The following SELENBP1 variants were observed in gnomAD, a reference collection of about 807,000 sequenced individuals.
The protein encoded by SELENBP1 is methanethiol oxidase.
A neutral mutation model predicts 61.0 loss-of-function variants in SELENBP1; 71 were observed. The observed-to-expected ratio is 1.16, with a 90% CI of 0.96 to 1.42. The LOEUF is 1.42. SELENBP1 is among the 40% of genes most tolerant of loss of function. SELENBP1 has a pLI of 0.00. For missense variants in SELENBP1, 561 were observed against 605.0 expected, an observed-to-expected ratio of 0.93 and a Z score of 0.76; for synonymous variants, 270 against 238.9, an observed-to-expected ratio of 1.13 and a Z score of -1.20.
chr1:151,371,867 C>A (rs950629777), intron 1 of SELENBP1, among the ~76,000 whole-genome samples: 1 of 151,604 alleles, frequency 6.6e-6, no homozygotes, highest in Non-Finnish European at 1.5e-5. Context: ...CTGGGGAATA[C>A]CCCCATCTGA....
At chr1:151,366,555 T>C (rs1229634226) in intron 6 of SELENBP1, 102 bp from the exon 7 acceptor site, 1 of 1,451,834 alleles carries the variant, frequency 6.9e-7, no homozygotes, top group Non-Finnish European at 9.5e-7. Context: ...AGAAATGGAT[T>C]GGAGGGATCA....
intron 5 of SELENBP1, 108 bp from the exon 6 acceptor site, chr1:151,367,012 C>A (rs549059800): frequency 2.0e-6 from 3 of 1,505,458 alleles, no homozygotes; most frequent in Non-Finnish European, 2.7e-6. Context: ...CCCATTGCCT[C>A]TACCTCCACT....
At chr1:151,366,105 C>A in intron 7 of SELENBP1, 170 bp downstream of exon 7, 2 of 826,994 alleles carry the variant, frequency 2.4e-6, no homozygotes, top group Non-Finnish European at 1.9e-6. Context: ...ATAAATACGG[C>A]CAGTTAGGGT....
intron 1 of SELENBP1, 69 bp from the exon 2 acceptor site, chr1:151,369,838 G>A: frequency 2.6e-6 from 4 of 1,551,710 alleles, no homozygotes; most frequent in Non-Finnish European, 3.5e-6. Flanking sequence ...CGCACGTTCT[G>A]CAGCACACAT....
chr1:151,366,989 A>G, intron 5 of SELENBP1, 85 bp from the exon 6 acceptor site: 1 of 1,543,834 alleles, frequency 6.5e-7, no homozygotes, highest in African/African-American at 1.4e-5. Context: ...AGGCATGTCT[A>G]AGAGGCTGTA....
In SELENBP1 at chr1:151,366,921, G is replaced by A. The variant is rs1343259510; in HGVS notation, c.482-17C>T. The A allele has an allele frequency of 6.2e-7, 1 of 1,611,248 alleles. No individual in the cohort carries two copies. Among genetic ancestry groups the A allele is most frequent in the Middle Eastern group, 1.7e-4 (1 of 6,048 alleles). On this transcript the variant is annotated splice_polypyrimidine_tract_variant and intron_variant, in intron 5 of 11. Coordinates refer to ENST00000368868, the MANE Select transcript of SELENBP1 (RefSeq NM_003944.4). ...CAAAACCCCCTGAACAGGGAAGGAA[G>A]CAGGGTGGCAGGTAGAAGCAGTAGA...
chr1:151,365,519 C>G (rs1651762203), intron 9 of SELENBP1, 44 bp downstream of exon 9: 1 of 1,611,786 alleles, frequency 6.2e-7, no homozygotes, highest in Middle Eastern at 1.7e-4. Flanking sequence ...AGCTTCTCTT[C>G]TCTTTCCTTC....
intron 9 of SELENBP1, 66 bp downstream of exon 9, chr1:151,365,497 C>T: frequency 6.2e-7 from 1 of 1,606,106 alleles, no homozygotes; most frequent in African/African-American, 1.3e-5. Flanking sequence ...TCAGATCATC[C>T]ACCCCATCCC....
At chr1:151,365,363 A>T (rs1031600011) in intron 9 of SELENBP1, 82 bp from the exon 10 acceptor site, 6 of 1,484,588 alleles carry the variant, frequency 4.0e-6, no homozygotes, top group Non-Finnish European at 5.6e-6. Flanking sequence ...CCTGGCTGGA[A>T]CCCCTCTCTC....
intron 3 of SELENBP1, 111 bp from the exon 4 acceptor site, chr1:151,369,300 A>G: frequency 2.1e-6 from 3 of 1,455,696 alleles, no homozygotes; most frequent in African/African-American, 1.4e-5. Context: ...GCTGGATTTC[A>G]GCACTCCCCT....
chr1:151,368,885 G>C, intron 4 of SELENBP1, 119 bp downstream of exon 4: 1 of 1,076,996 alleles, frequency 9.3e-7, no homozygotes, highest in Non-Finnish European at 1.4e-6. Context: ...CCCTGCTGCC[G>C]AGCCAGTTGC....
chr1:151,369,728 GA>G lies in SELENBP1; in HGVS notation c.45del (p.Leu16TrpfsTer4). 6.4e-7 allele frequency: 1 copy of G among 1,552,652 alleles called. No homozygotes were observed. Among genetic ancestry groups the G allele is most frequent in the African/African-American group, 1.4e-5 (1 of 73,232 alleles). On this transcript the variant is annotated frameshift_variant, in exon 2 of 12. Transcript: ENST00000368868. LOFTEE classifies it high-confidence loss of function. ...CGNCGPGYSTPLEAMKGPREE... is the reference protein window; with the variant it reads ...CGNCGPGYSTXLEAMKGPREE... ...GGGCAATTACCTTTCATGGCCTCCAGAGGGGTGGAGTAGCCGGGTCCACAAT... is the reference window on the plus strand; with the variant it reads ...GGGCAATTACCTTTCATGGCCTCCAGGGGGTGGAGTAGCCGGGTCCACAAT...
In SELENBP1 at chr1:151,369,624, C is replaced by T. The variant is rs1216361010; in HGVS notation, c.62-70G>A. The T allele has an allele frequency of 4.5e-6, 7 of 1,549,210 alleles. No individual in the cohort carries two copies. In the South Asian group the frequency reaches 6.0e-5, roughly 13 times the overall value. Reference sequence around the variant, plus strand: ...AAAGGTAGGGGAAGTGCTGGGTGTGCCAGAGGGTGGGGGCTAGGTCTGAAG... The same window carrying T: ...AAAGGTAGGGGAAGTGCTGGGTGTGTCAGAGGGTGGGGGCTAGGTCTGAAG... On this transcript the variant is annotated intron_variant, in intron 2 of 11. Transcript: ENST00000368868.
At position 151,366,386 on chromosome 1, in the gene SELENBP1, T is replaced by C. The variant is rs201264156; in HGVS notation, c.732A>G (p.Leu244=). ...TCTCCAAGGGAATAAGCCCATCTTT[T>C]AGAGACAGGGTCTGCACAATCTCAT... ...QRHEIVQTLS[L]KDGLIPLEIR... Residue 244 remains leucine, a synonymous_variant, in exon 7 of 12, where the codon CTA becomes CTG. Transcript: ENST00000368868. The C allele has an allele frequency of 6.2e-7, 1 of 1,614,140 alleles. No individual in the cohort carries two copies. The highest frequency in any genetic ancestry group is 2.2e-5 in the East Asian group (1 of 44,882).
Position 151,364,437 on chromosome 1 carries a change from G to T in SELENBP1, c.*106C>A. 1 of 1,346,304 alleles carries T rather than the reference G, an allele frequency of 7.4e-7. No homozygotes were observed. Among genetic ancestry groups the T allele is most frequent in the Non-Finnish European group, 1.1e-6 (1 of 947,772 alleles). The allele number at this position is 1,346,304 out of a possible 1,614,324, so 83.4% of individuals were successfully genotyped here. ...ATTGCCACAGTCTCAGCTTGGCTGTGTGGTACATGCTGCCAAGGGTCGGGT... is the reference window on the plus strand; with the variant it reads ...ATTGCCACAGTCTCAGCTTGGCTGTTTGGTACATGCTGCCAAGGGTCGGGT... On this transcript the variant is annotated 3_prime_UTR_variant, in exon 12 of 12. Coordinates refer to ENST00000368868, the MANE Select transcript of SELENBP1 (RefSeq NM_003944.4).
chr1:151,366,870 C>G lies in SELENBP1; in HGVS notation c.516G>C (p.Glu172Asp). The G allele has an allele frequency of 6.2e-7, 1 of 1,614,152 alleles. No homozygotes were observed. The highest frequency in any genetic ancestry group is 1.1e-5 in the South Asian group (1 of 91,084). Residue 172 changes from glutamate (E) to aspartate (D), a missense_variant, in exon 6 of 12, where the codon GAG becomes GAC. Physicochemically the swap from Glu to Asp is conservative, Grantham distance 45. Coordinates refer to ENST00000368868, the MANE Select transcript of SELENBP1 (RefSeq NM_003944.4). ...GFVLLDGETF[E>D]VKGTWERPGG... ...CAGGTCTCTCCCATGTCCCCTTCAC[C>G]TCGAACGTCTCCCCATCCAGCAGCA... is the stretch of plus-strand genomic sequence containing the variant.
In SELENBP1 at chr1:151,366,876, C is replaced by A; in HGVS notation, c.510G>T (p.Thr170=). The change falls in exon 6 of 12, where the codon ACG becomes ACT. Residue 170 remains threonine (T), a synonymous_variant. Transcript: ENST00000368868. ...TCTCCCATGTCCCCTTCACCTCGAA[C>A]GTCTCCCCATCCAGCAGCACAAAAC... ...KGGFVLLDGE[T]FEVKGTWERP... The A allele has an allele frequency of 6.2e-7, 1 of 1,614,122 alleles. No homozygotes were observed. Among genetic ancestry groups the A allele is most frequent in the Non-Finnish European group, 8.5e-7 (1 of 1,179,994 alleles).
rs144573586 is a variant in SELENBP1, at chr1:151,368,204, C to G, written c.476G>C (p.Gly159Ala). The part of the protein sequence containing the change: ...ISSLGDVKGN[G>A]KGGFVLLDGE... Reference sequence around the variant, plus strand: ...CACACAGTGCTGGCAGGTACCTTTGCCATTGCCCTTGACGTCTCCCAGGGA... The same window carrying G: ...CACACAGTGCTGGCAGGTACCTTTGGCATTGCCCTTGACGTCTCCCAGGGA... Residue 159 changes from glycine to alanine, a missense_variant, in exon 5 of 12, where the codon GGC becomes GCC. Coordinates refer to ENST00000368868, the MANE Select transcript of SELENBP1 (RefSeq NM_003944.4). 362 of 1,613,888 alleles carry G rather than the reference C, an allele frequency of 2.2e-4. No homozygotes were observed. The highest frequency in any genetic ancestry group is 3.0e-4 in the Non-Finnish European group (353 of 1,179,966).
chr1:151,369,185 A>G lies in SELENBP1; in HGVS notation c.179T>C (p.Ile60Thr), dbSNP rs773744221. 1 of 1,607,354 alleles carries G rather than the reference A, an allele frequency of 6.2e-7. No homozygotes were observed. The highest frequency in any genetic ancestry group is 1.3e-5 in the African/African-American group (1 of 74,810). ...CAGGTTGGGCATGGGCAGCCGGTGG[A>G]TGACCTAGGATGCGGGGAGAGGTGG... ...DPKSPQYCQV[I>T]HRLPMPNLKD... Residue 60 changes from isoleucine to threonine, a missense_variant, in exon 4 of 12, where the codon ATC becomes ACC. Ile to Thr is a moderately conservative substitution (Grantham distance 89, BLOSUM62 -1). Transcript: ENST00000368868.
Sources: allele counts gnomAD v4.1 joint callset (sites outside exome capture counted in the v4.1 genomes callset), GRCh38; gene constraint gnomAD v4.1.1; transcripts MANE v1.5; gene names NCBI Gene and HGNC (gene_info 2026-07-23, HGNC 2026-07-21).